Variants in GRM1 observed in about 807,000 individuals in gnomAD.
GRM1 encodes metabotropic glutamate receptor 1.
GRM1 carries 33 observed loss-of-function variants against 90.9 expected under a neutral mutation model. The ratio of observed to expected loss-of-function variants is 0.36; its 90% CI spans 0.28 to 0.49. GRM1 has a LOEUF of 0.49. Among genes scored for constraint, GRM1 ranks in the 20% least tolerant of loss-of-function variants. GRM1 has a pLI of 0.99. For synonymous variants in GRM1, 700 were observed against 613.2 expected (o/e 1.14, Z -2.09); for missense variants, 1,190 against 1,534.3 (o/e 0.78, Z 3.75).
intron 3 of GRM1, among the ~76,000 whole-genome samples, chr6:146,334,860 C>A (rs1161814044): frequency 6.6e-6 from 1 of 152,130 alleles, no homozygotes; most frequent in Non-Finnish European, 1.5e-5. Flanking sequence ...TTTGTCTTGA[C>A]AACATCATTT....
intron 2 of GRM1, among the ~76,000 whole-genome samples, chr6:146,207,783 A>T (rs944035622): frequency 2.6e-5 from 4 of 152,160 alleles, no homozygotes; most frequent in Admixed American, 1.3e-4. Flanking sequence ...TCCTTGCCTA[A>T]ACTTAGTGAC....
rs573749816 is a variant in GRM1, at chr6:146,123,527, A to G, written c.701-35821A>G. On this transcript the variant is annotated intron_variant, in intron 1 of 7. Coordinates refer to ENST00000282753, the MANE Select transcript of GRM1 (RefSeq NM_001278064.2). Reference sequence around the variant, plus strand: ...CCCCAAAAACATCTGTACGTTTTCTATGGTAGAGTCTCCATTTTATTTACA... The same window carrying G: ...CCCCAAAAACATCTGTACGTTTTCTGTGGTAGAGTCTCCATTTTATTTACA... Among the ~76,000 whole-genome samples, 7 of 152,300 alleles carry G rather than the reference A, an allele frequency of 4.6e-5. No individual in the cohort carries two copies. The East Asian group carries it at 1.4e-3, about 29-fold the overall frequency.
At chr6:146,138,422 C>A (rs1776708897) in intron 1 of GRM1, among the ~76,000 whole-genome samples, 1 of 151,524 alleles carries the variant, frequency 6.6e-6, no homozygotes, top group Admixed American at 6.6e-5. Flanking sequence ...TTCCCTCCTC[C>A]TCTATTTTTT....
chr6:146,396,265 A>G (rs901149017), intron 6 of GRM1, among the ~76,000 whole-genome samples: 3 of 152,184 alleles, frequency 2.0e-5, no homozygotes, highest in African/African-American at 7.2e-5. Context: ...TACACAAGGA[A>G]GAGAGGCCAC....
intron 3 of GRM1, among the ~76,000 whole-genome samples, chr6:146,305,941 G>C (rs530633317): frequency 1.3e-5 from 2 of 152,052 alleles, no homozygotes; most frequent in Non-Finnish European, 2.9e-5. Flanking sequence ...GTTTTTGCAG[G>C]GGATGGTAAG....
chr6:146,282,059 T>C (rs1782586397), intron 2 of GRM1, among the ~76,000 whole-genome samples: 2 of 152,148 alleles, frequency 1.3e-5, no homozygotes, highest in African/African-American at 4.8e-5. Context: ...AAATCAAATT[T>C]AGGAAATTTG....
chr6:146,350,162 A>G (rs1368500472), intron 3 of GRM1, among the ~76,000 whole-genome samples: 1 of 152,254 alleles, frequency 6.6e-6, no homozygotes, highest in Non-Finnish European at 1.5e-5. Flanking sequence ...AGTATCCACT[A>G]GACAACCACT....
At chr6:146,199,720 G>A (rs1779235336) in intron 2 of GRM1, among the ~76,000 whole-genome samples, 1 of 150,100 alleles carries the variant, frequency 6.7e-6, no homozygotes, top group Admixed American at 6.7e-5. Context: ...TTAAGCATAA[G>A]AGAAGTGCTA....
chr6:146,434,568 G>C lies in GRM1; in HGVS notation c.3357G>C (p.Thr1119=), dbSNP rs1047008. 5.9e-3 allele frequency: 9,493 copies of C among 1,614,048 alleles called. 418 individuals carry two copies. The African/African-American group carries it at 0.1, about 18-fold the overall frequency. The change falls in exon 8 of 8, where the codon ACG becomes ACC. Residue 1119 remains threonine, a synonymous_variant. Coordinates refer to ENST00000282753, the MANE Select transcript of GRM1 (RefSeq NM_001278064.2). The part of the protein sequence containing the change: ...YVYEHEREGN[T]EEDELEEEEE... ...ATGAGCACGAGCGGGAAGGGAACAC[G>C]GAAGAAGACGAACTGGAAGAGGAGG...
intron 1 of GRM1, among the ~76,000 whole-genome samples, chr6:146,145,416 A>G (rs1049271126): frequency 6.6e-6 from 1 of 152,168 alleles, no homozygotes; most frequent in Non-Finnish European, 1.5e-5. Flanking sequence ...GCCCAGGACT[A>G]TCTCTATGAG....
chr6:146,367,089 A>G (rs1775720214), intron 5 of GRM1, among the ~76,000 whole-genome samples: 1 of 152,156 alleles, frequency 6.6e-6, no homozygotes, highest in South Asian at 2.1e-4. Context: ...ATAGTGAGAA[A>G]TAGGGGTTTA....
chr6:146,289,376 A>G (rs1051875214), intron 2 of GRM1, among the ~76,000 whole-genome samples: 13 of 152,234 alleles, frequency 8.5e-5, no homozygotes, highest in Non-Finnish European at 1.5e-4. Context: ...AAAAACGTCT[A>G]TGGAATAAAG....
At chr6:146,183,104 C>T (rs9497474) in intron 2 of GRM1, among the ~76,000 whole-genome samples, 37,364 of 152,024 alleles carry the variant, frequency 0.25, 7,969 homozygotes, top group African/African-American at 0.58. Context: ...CCATCATCCT[C>T]TCTGGAGTTG....
At chr6:146,344,228 G>A (rs1213302206) in intron 3 of GRM1, among the ~76,000 whole-genome samples, 4 of 152,064 alleles carry the variant, frequency 2.6e-5, no homozygotes, top group East Asian at 1.9e-4. Context: ...CTTGGTATAC[G>A]TGTGTGTAGC....
At chr6:146,226,378 G>C (rs1242948251) in intron 2 of GRM1, among the ~76,000 whole-genome samples, 1 of 152,064 alleles carries the variant, frequency 6.6e-6, no homozygotes, top group African/African-American at 2.4e-5. Flanking sequence ...AAAGAAACCA[G>C]AATTTTCATG....
intron 2 of GRM1, among the ~76,000 whole-genome samples, chr6:146,301,457 A>G (rs1783377216): frequency 6.6e-6 from 1 of 152,226 alleles, no homozygotes; most frequent in East Asian, 1.9e-4. Flanking sequence ...TTACAAACTA[A>G]GCTGTCATGT....
chr6:146,425,537 A>G (rs1219320748), intron 7 of GRM1, among the ~76,000 whole-genome samples: 2 of 152,226 alleles, frequency 1.3e-5, no homozygotes, highest in African/African-American at 2.4e-5. Flanking sequence ...AGTTGTCACC[A>G]GGATCTTCTG....
chr6:146,220,206 G>A (rs1206702933), intron 2 of GRM1, among the ~76,000 whole-genome samples: 1 of 152,076 alleles, frequency 6.6e-6, no homozygotes. Context: ...ATTGAAAATG[G>A]AAAGCAGTGT....
intron 1 of GRM1, among the ~76,000 whole-genome samples, chr6:146,147,586 AG>A (rs1473916974): frequency 6.6e-6 from 1 of 152,194 alleles, no homozygotes; most frequent in Non-Finnish European, 1.5e-5. Context: ...AAGACACAGA[AG>A]CTGATGAAAC....
Sources: allele counts gnomAD v4.1 joint callset (sites outside exome capture counted in the v4.1 genomes callset), GRCh38; gene constraint gnomAD v4.1.1; transcripts MANE v1.5; gene names NCBI Gene and HGNC (gene_info 2026-07-23, HGNC 2026-07-21).